PHB1: variants seen among roughly 807,000 people sequenced by gnomAD.
PHB1 encodes the protein prohibitin 1.
chr17:49,407,131 C>T, the PHB1 span: 1 of 423,446 alleles, frequency 2.4e-6, no homozygotes, highest in East Asian at 4.6e-5. Context: ...ATGGGGCCCA[C>T]AGGCACCAGA....
the PHB1 span, among the ~76,000 whole-genome samples, chr17:49,411,429 C>G: frequency 6.6e-6 from 1 of 152,124 alleles, no homozygotes; most frequent in Non-Finnish European, 1.5e-5. Flanking sequence ...AACTCCTGAC[C>G]TCAGGTGATC....
chr17:49,411,721 GCAGT>G, the PHB1 span: 1 of 1,614,046 alleles, frequency 6.2e-7, no homozygotes, highest in Non-Finnish European at 8.5e-7. Flanking sequence ...GTCGAGAACG[GCAGT>G]CAAAGATAAT....
chr17:49,405,279 C>T, the PHB1 span: 1 of 1,278,850 alleles, frequency 7.8e-7, no homozygotes, highest in African/African-American at 1.5e-5. Flanking sequence ...AGGCCCTTCA[C>T]CAGAAAGCCA....
At chr17:49,412,042 G>A in the PHB1 span, 2 of 547,350 alleles carry the variant, frequency 3.7e-6, no homozygotes, top group Non-Finnish European at 6.4e-6. Flanking sequence ...TGTCCCCAAG[G>A]ATTGGTAATA....
At chr17:49,404,880 C>T in the PHB1 span, 10 of 715,586 alleles carry the variant, frequency 1.4e-5, no homozygotes, top group South Asian at 1.7e-4. Flanking sequence ...CACTTTAAGC[C>T]AATCATGAAA....
At chr17:49,409,539 T>G in the PHB1 span, 2 of 1,077,088 alleles carry the variant, frequency 1.9e-6, no homozygotes, top group Admixed American at 5.0e-5. Context: ...AGTGTTTTTT[T>G]TTTGTTTTTT....
the PHB1 span, chr17:49,411,856 A>G: frequency 6.2e-7 from 1 of 1,609,352 alleles, no homozygotes. Flanking sequence ...AGAAAGGACA[A>G]TGACATGTCA....
chr17:49,411,442 C>A, the PHB1 span, among the ~76,000 whole-genome samples: 1 of 152,174 alleles, frequency 6.6e-6, no homozygotes, highest in Non-Finnish European at 1.5e-5. Flanking sequence ...AGGTGATCCA[C>A]CTGCCTCAGC....
chr17:49,408,347 T>C, the PHB1 span, among the ~76,000 whole-genome samples: 1 of 152,246 alleles, frequency 6.6e-6, no homozygotes, highest in Admixed American at 6.5e-5. Flanking sequence ...TTTACCTCAC[T>C]GCCCGAACAA....
At chr17:49,406,976 G>T in the PHB1 span, 1 of 714,976 alleles carries the variant, frequency 1.4e-6, no homozygotes, top group South Asian at 1.5e-5. Context: ...AGGCATCCGT[G>T]AGGCCAGAAC....
At chr17:49,405,765 CACAAACAAACAAACAA>C in the PHB1 span, among the ~76,000 whole-genome samples, 1 of 151,194 alleles carries the variant, frequency 6.6e-6, no homozygotes, top group African/African-American at 2.4e-5. Context: ...ACAGAGCTGT[CACAAACAAACAAACAA>C]ACAAACAAAC....
the PHB1 span, chr17:49,414,755 G>A: frequency 6.6e-6 from 1 of 152,076 alleles, no homozygotes; most frequent in African/African-American, 2.4e-5. Flanking sequence ...CACTCTCCTC[G>A]CCCAAAGTGC....
the PHB1 span, chr17:49,406,747 T>C: frequency 1.2e-6 from 2 of 1,604,090 alleles, no homozygotes. Flanking sequence ...TGCCATCTGG[T>C]CGAAGGCTCA....
At chr17:49,411,776 C>G in the PHB1 span, 2 of 1,614,154 alleles carry the variant, frequency 1.2e-6, no homozygotes, top group Non-Finnish European at 1.7e-6. Flanking sequence ...AGTCCCTTCC[C>G]CTACCACAAT....
At chr17:49,404,954 G>T in the PHB1 span, 1 of 1,369,164 alleles carries the variant, frequency 7.3e-7, no homozygotes, top group Non-Finnish European at 1.0e-6. Flanking sequence ...CGGGGCTGTG[G>T]CCCAGTCAGC....
At chr17:49,411,358 C>T in the PHB1 span, among the ~76,000 whole-genome samples, 1 of 151,858 alleles carries the variant, frequency 6.6e-6, no homozygotes, top group Non-Finnish European at 1.5e-5. Context: ...CCCCCACCAC[C>T]GGCTAATTTT....
the PHB1 span, chr17:49,407,430 A>G: frequency 1.3e-5 from 2 of 155,496 alleles, no homozygotes; most frequent in South Asian, 1.9e-4. Flanking sequence ...GGTATTCCCA[A>G]TGTGAATGGT....
chr17:49,413,420 C>T, the PHB1 span: 1 of 613,454 alleles, frequency 1.6e-6, no homozygotes, highest in Non-Finnish European at 3.0e-6. Context: ...CTAAATCATC[C>T]ATTGAAGGAT....
chr17:49,411,056 G>A, the PHB1 span, among the ~76,000 whole-genome samples: 21 of 152,176 alleles, frequency 1.4e-4, 1 homozygote, highest in Admixed American at 1.4e-3. Flanking sequence ...CAAGAGAGGT[G>A]GGCAATGTAT....
Sources: gnomAD v4.1 joint callset for allele counts (sites outside exome capture counted in the v4.1 genomes callset) on GRCh38, gnomAD v4.1.1 for gene constraint, MANE v1.5 for transcripts, NCBI Gene and HGNC (gene_info 2026-07-23, HGNC 2026-07-21) for gene names.